The following CACNA1B variants were observed in gnomAD, a reference collection of about 807,000 sequenced individuals.
CACNA1B encodes calcium voltage-gated channel subunit alpha1 B.
CACNA1B carries 70 observed loss-of-function variants against 247.2 expected under a neutral mutation model. The observed-to-expected ratio is 0.28, with a 90% CI of 0.23 to 0.35. The LOEUF is 0.35. CACNA1B is among the 10% of genes least tolerant of loss of function. The pLI, the probability that CACNA1B is intolerant of heterozygous loss-of-function variation, is 1.00. For missense variants in CACNA1B, 2,367 were observed against 3,197.4 expected, an observed-to-expected ratio of 0.74 and a Z score of 6.26; for synonymous variants, 1,231 against 1,294.4, an observed-to-expected ratio of 0.95 and a Z score of 1.05.
At chr9:138,080,811 T>C (rs1484952372) in intron 36 of CACNA1B, among the ~76,000 whole-genome samples, 4 of 152,164 alleles carry the variant, frequency 2.6e-5, no homozygotes, top group African/African-American at 9.7e-5. Flanking sequence ...ATATAAGGAC[T>C]TGTGCTGATG....
chr9:138,045,514 C>T lies in CACNA1B; in HGVS notation c.3414-1390C>T, dbSNP rs562112085. On this transcript the variant is annotated intron_variant, in intron 21 of 46. Coordinates refer to ENST00000371372, the MANE Select transcript of CACNA1B (RefSeq NM_000718.4). ...TAGATGTGGAAGGGGAAGGAGACAT[C>T]GAGGATGTCTGACTGAAACCCAGTT... Among the ~76,000 whole-genome samples, 174 of 152,250 alleles carry T rather than the reference C, an allele frequency of 1.1e-3. 1 individual carries two copies. Among genetic ancestry groups the T allele is most frequent in the African/African-American group, 3.9e-3 (164 of 41,572 alleles).
chr9:138,092,408 A>G (rs1054244714), intron 36 of CACNA1B, among the ~76,000 whole-genome samples: 2 of 152,198 alleles, frequency 1.3e-5, no homozygotes, highest in African/African-American at 2.4e-5. Context: ...TATTTCTCCT[A>G]TTCGCTTTCT....
intron 6 of CACNA1B, among the ~76,000 whole-genome samples, chr9:137,935,480 C>G (rs1365569532): frequency 6.6e-6 from 1 of 152,186 alleles, no homozygotes; most frequent in Non-Finnish European, 1.5e-5. Context: ...ATATGTGCCA[C>G]ATTTTTCTAA....
chr9:138,067,628 G>A (rs937648905), intron 31 of CACNA1B, among the ~76,000 whole-genome samples: 1 of 152,250 alleles, frequency 6.6e-6, no homozygotes, highest in African/African-American at 2.4e-5. Flanking sequence ...GAACCCAGGA[G>A]GTGGAGGTCA....
chr9:137,960,894 A>G (rs1436415972), intron 10 of CACNA1B, among the ~76,000 whole-genome samples: 6 of 152,002 alleles, frequency 3.9e-5, no homozygotes, highest in Non-Finnish European at 7.4e-5. Context: ...CTTTTTAATA[A>G]TAGTCATTCT....
rs770852764 is a variant in CACNA1B at position 138,073,570 on chromosome 9, G to A, written c.4757G>A (p.Arg1586His). 2 of 1,611,446 alleles carry A rather than the reference G, an allele frequency of 1.2e-6. No homozygotes were observed. Among genetic ancestry groups the A allele is most frequent in the African/African-American group, 1.3e-5 (1 of 74,984 alleles). ...IKLLRQGYTI[R>H]ILLWTFVQSF... ...CTGCTCCGCCAGGGCTACACCATCC[G>A]CATCCTGCTGTGGACCTTTGTCCAG... Residue 1586 changes from arginine to histidine, a missense_variant, in exon 33 of 47, where the codon CGC (arginine) becomes CAC (histidine). Physicochemically the swap from Arg to His is conservative, Grantham distance 29 (BLOSUM62 0). Transcript: ENST00000371372. The surrounding 1 kb of genome is among the most constrained non-coding windows in gnomAD (Gnocchi z 6.4).
At chr9:137,992,902 A>G (rs1284853478) in intron 15 of CACNA1B, among the ~76,000 whole-genome samples, 2 of 152,186 alleles carry the variant, frequency 1.3e-5, no homozygotes, top group Admixed American at 1.3e-4. Flanking sequence ...AGGCAAATAC[A>G]GGGAAATTAA....
intron 20 of CACNA1B, among the ~76,000 whole-genome samples, chr9:138,028,915 C>T (rs7026939): frequency 6.6e-6 from 1 of 152,256 alleles, no homozygotes; most frequent in East Asian, 1.9e-4. Context: ...CTCTATTCAG[C>T]ATATGGCTGC....
chr9:138,009,720 C>T (rs964875188), intron 16 of CACNA1B, among the ~76,000 whole-genome samples: 6 of 152,072 alleles, frequency 3.9e-5, no homozygotes, highest in South Asian at 2.1e-4. Flanking sequence ...ACAGTCAGCC[C>T]GAAAGAGCTG....
chr9:138,037,399 G>C (rs1055691227), intron 20 of CACNA1B, among the ~76,000 whole-genome samples: 2 of 152,144 alleles, frequency 1.3e-5, no homozygotes, highest in African/African-American at 4.8e-5. Flanking sequence ...TGGCTCACAT[G>C]TGTAATCCCA....
chr9:138,077,998 A>G (rs1468266677), intron 35 of CACNA1B, 116 bp from the exon 36 acceptor site: 1 of 785,444 alleles, frequency 1.3e-6, no homozygotes, highest in South Asian at 1.9e-5. Context: ...GGCCTGGCAC[A>G]TGTGTGAGCT....
At chr9:138,064,069 T>C (rs535844574) in intron 31 of CACNA1B, among the ~76,000 whole-genome samples, 4 of 152,294 alleles carry the variant, frequency 2.6e-5, no homozygotes, top group African/African-American at 9.6e-5. Flanking sequence ...CAGGGATTCA[T>C]TGGTGTCCTG....
intron 34 of CACNA1B, 97 bp downstream of exon 34, chr9:138,074,163 G>T: frequency 1.1e-6 from 1 of 887,908 alleles, no homozygotes; most frequent in Non-Finnish European, 1.9e-6. Flanking sequence ...GTCATAATCA[G>T]TTGATCCTTA....
rs897722071 is a variant in CACNA1B, at chr9:137,902,700, A to G, written c.531-10480A>G. On this transcript the variant is annotated intron_variant, in intron 3 of 46. Transcript: ENST00000371372. ...ATTTTGAGCTATTTCCTTCCTTCCAAGCTTTTTCGGTGTGTAGGTTTTTAA... is the reference window on the plus strand; with the variant it reads ...ATTTTGAGCTATTTCCTTCCTTCCAGGCTTTTTCGGTGTGTAGGTTTTTAA... Among the ~76,000 whole-genome samples, 3 of 152,098 alleles carry G rather than the reference A, an allele frequency of 2.0e-5. No individual in the cohort carries two copies. In the East Asian group the frequency reaches 5.8e-4, roughly 29 times the overall value.
intron 15 of CACNA1B, among the ~76,000 whole-genome samples, chr9:137,992,823 ATAT>A (rs1958448402): frequency 6.6e-6 from 1 of 151,962 alleles, no homozygotes; most frequent in Admixed American, 6.6e-5. Context: ...AATCTATATT[ATAT>A]CAAGTACTCT....
At chr9:138,030,126 G>C (rs1958970948) in intron 20 of CACNA1B, among the ~76,000 whole-genome samples, 2 of 152,046 alleles carry the variant, frequency 1.3e-5, no homozygotes, top group African/African-American at 2.4e-5. Flanking sequence ...GAATAGCTGT[G>C]GCAAGAACTG....
chr9:137,956,252 C>T (rs1383597120), intron 8 of CACNA1B, among the ~76,000 whole-genome samples: 1 of 152,190 alleles, frequency 6.6e-6, no homozygotes, highest in African/African-American at 2.4e-5. Context: ...AGGGAAGCGA[C>T]GTGTGGGTAG....
chr9:138,105,958 T>G (rs962014559), intron 39 of CACNA1B, among the ~76,000 whole-genome samples, 151 bp downstream of exon 39: 5 of 152,174 alleles, frequency 3.3e-5, no homozygotes, highest in Admixed American at 3.3e-4. Context: ...ATACCCACCC[T>G]GGGGCACTGG....
chr9:138,030,044 C>T (rs1001167935), intron 20 of CACNA1B, among the ~76,000 whole-genome samples: 1 of 152,120 alleles, frequency 6.6e-6, no homozygotes, highest in Non-Finnish European at 1.5e-5. Flanking sequence ...TAGTTTTTTC[C>T]TTTCTGACAT....
Sources: allele counts gnomAD v4.1 joint callset (sites outside exome capture counted in the v4.1 genomes callset), GRCh38; gene constraint gnomAD v4.1.1; non-coding constraint Gnocchi (gnomAD v3.1); transcripts MANE v1.5; gene names NCBI Gene and HGNC (gene_info 2026-07-23, HGNC 2026-07-21).